Variants in RAB38 observed in about 807,000 individuals in gnomAD.
The protein encoded by RAB38 is RAB38, member RAS oncogene family, also known as ras-related protein Rab-38.
RAB38 carries 15 observed loss-of-function variants against 18.4 expected under a neutral mutation model. That is an observed-to-expected ratio of 0.82 (90% confidence interval 0.55 to 1.26). RAB38 has a LOEUF of 1.26. Among genes scored for constraint, RAB38 ranks in the 50% most tolerant of loss-of-function variants. The probability of loss-of-function intolerance (pLI) is 0.00; values close to 1 mark genes in which losing one functional copy is unlikely to be tolerated. For missense variants in RAB38, 294 were observed against 267.4 expected, an observed-to-expected ratio of 1.10 and a Z score of -0.69; for synonymous variants, 101 against 104.4, an observed-to-expected ratio of 0.97 and a Z score of 0.20.
the RAB38 span, among the ~76,000 whole-genome samples, chr11:88,006,065 A>G: frequency 0.057 from 8,720 of 151,662 alleles, 356 homozygotes; most frequent in South Asian, 0.15. Flanking sequence ...TAAAATATAT[A>G]AAAAACTCAA....
chr11:87,851,108 A>T, the RAB38 span, among the ~76,000 whole-genome samples: 1 of 152,212 alleles, frequency 6.6e-6, no homozygotes. Flanking sequence ...AAAAAAGTAT[A>T]GACAGTCTTT....
the RAB38 span, among the ~76,000 whole-genome samples, chr11:87,972,529 T>C: frequency 6.6e-6 from 1 of 152,128 alleles, no homozygotes; most frequent in East Asian, 1.9e-4. Context: ...CTTGTTTTTT[T>C]TCCACATTAA....
At chr11:87,926,903 C>T in the RAB38 span, among the ~76,000 whole-genome samples, 11 of 151,966 alleles carry the variant, frequency 7.2e-5, no homozygotes, top group African/African-American at 2.4e-4. Flanking sequence ...TTGATGCATT[C>T]TAGAATAGCA....
chr11:88,109,950 G>A (rs946204571), downstream of RAB38, among the ~76,000 whole-genome samples: 2 of 152,184 alleles, frequency 1.3e-5, no homozygotes, highest in African/African-American at 4.8e-5. Flanking sequence ...CATTGTGGAC[G>A]ACAGTGTGGT....
the RAB38 span, among the ~76,000 whole-genome samples, chr11:87,865,448 A>G: frequency 1.3e-5 from 2 of 151,842 alleles, no homozygotes; most frequent in African/African-American, 4.8e-5. Context: ...ACAATCAAAG[A>G]ATTCTGGCTC....
At chr11:88,164,666 T>C (rs1319777497) in intron 1 of RAB38, among the ~76,000 whole-genome samples, 1 of 152,064 alleles carries the variant, frequency 6.6e-6, no homozygotes, top group African/African-American at 2.4e-5. Context: ...ATAACACTTA[T>C]TAAGTTGTTT....
chr11:87,883,749 T>C, the RAB38 span, among the ~76,000 whole-genome samples: 1 of 151,912 alleles, frequency 6.6e-6, no homozygotes, highest in Non-Finnish European at 1.5e-5. Context: ...GAGAGATGCA[T>C]TGTTGCTGGC....
At chr11:87,925,156 A>G in the RAB38 span, among the ~76,000 whole-genome samples, 1 of 152,026 alleles carries the variant, frequency 6.6e-6, no homozygotes. Context: ...GCATCCACCA[A>G]ACCTGACTTC....
the RAB38 span, among the ~76,000 whole-genome samples, chr11:87,872,803 G>A: frequency 0.017 from 2,546 of 151,632 alleles, 72 homozygotes; most frequent in African/African-American, 0.058. Context: ...AACTTTTAAT[G>A]CTAGATAATA....
At chr11:88,066,364 C>A in the RAB38 span, among the ~76,000 whole-genome samples, 1 of 152,080 alleles carries the variant, frequency 6.6e-6, no homozygotes, top group Non-Finnish European at 1.5e-5. Context: ...ATCACCCTAG[C>A]TAAACATTTT....
At chr11:87,875,872 T>A in the RAB38 span, among the ~76,000 whole-genome samples, 1 of 151,670 alleles carries the variant, frequency 6.6e-6, no homozygotes, top group African/African-American at 2.4e-5. Flanking sequence ...AATTTGTGGA[T>A]TCTTTTAGAT....
At chr11:87,910,633 C>CTTTTTTT in the RAB38 span, among the ~76,000 whole-genome samples, 54 of 131,094 alleles carry the variant, frequency 4.1e-4, 2 homozygotes, top group African/African-American at 9.6e-4. Flanking sequence ...AGTTCATTTT[C>CTTTTTTT]TTTTTTTTTT....
At chr11:88,084,027 T>A in the RAB38 span, among the ~76,000 whole-genome samples, 2 of 151,938 alleles carry the variant, frequency 1.3e-5, no homozygotes, top group African/African-American at 4.8e-5. Context: ...ATTCAATAAA[T>A]GTTCACCCAA....
the RAB38 span, among the ~76,000 whole-genome samples, chr11:87,932,640 A>G: frequency 6.6e-6 from 1 of 152,118 alleles, no homozygotes; most frequent in East Asian, 1.9e-4. Context: ...CAACAAAACA[A>G]TTTCTCAAAG....
chr11:88,072,851 G>A, the RAB38 span, among the ~76,000 whole-genome samples: 2 of 152,050 alleles, frequency 1.3e-5, no homozygotes, highest in Non-Finnish European at 1.5e-5. Context: ...GTAGAATCTA[G>A]CTGGCTTCAC....
the RAB38 span, among the ~76,000 whole-genome samples, chr11:87,893,390 A>ATATATATATATATATTTTTTTT: frequency 2.9e-4 from 27 of 93,890 alleles, no homozygotes; most frequent in East Asian, 1.3e-3. Flanking sequence ...ATATATATAT[A>ATATATATATATATATTTTTTTT]TTTTTTTTTT....
At chr11:88,062,207 T>C in the RAB38 span, 2 of 152,222 alleles carry the variant, frequency 1.3e-5, no homozygotes, top group Admixed American at 1.3e-4. Context: ...TGGGAAGTGA[T>C]TCGATCACGG....
the RAB38 span, among the ~76,000 whole-genome samples, chr11:88,090,783 A>T: frequency 3.9e-5 from 6 of 151,918 alleles, no homozygotes; most frequent in Non-Finnish European, 8.8e-5. Context: ...ACAGTGCTCA[A>T]CTATCAGCCA....
chr11:87,874,332 C>T, the RAB38 span, among the ~76,000 whole-genome samples: 1 of 151,306 alleles, frequency 6.6e-6, no homozygotes, highest in Non-Finnish European at 1.5e-5. Context: ...AAAATATTTG[C>T]AAGCCATACA....
Sources: gnomAD v4.1 joint callset for allele counts (sites outside exome capture counted in the v4.1 genomes callset) on GRCh38, gnomAD v4.1.1 for gene constraint, MANE v1.5 for transcripts, NCBI Gene and HGNC (gene_info 2026-07-23, HGNC 2026-07-21) for gene names.